The following PUS7 variants were observed in gnomAD, a reference collection of about 807,000 sequenced individuals.
PUS7 encodes the protein pseudouridylate synthase 7 homolog.
In PUS7, 48 loss-of-function variants were observed where a neutral mutation model predicts 79.8. That is an observed-to-expected ratio of 0.60 (90% CI 0.48 to 0.76). PUS7 has a LOEUF of 0.76. Among genes scored for constraint, PUS7 ranks in the 30% least tolerant of loss-of-function variants. The pLI, the probability that PUS7 is intolerant of heterozygous loss-of-function variation, is 0.00. For synonymous variants in PUS7, 286 were observed against 272.2 expected, an observed-to-expected ratio of 1.05 and a Z score of -0.50; for missense variants, 729 against 797.6, an observed-to-expected ratio of 0.91 and a Z score of 1.04.
chr7:105,505,167 A>AT lies in PUS7; in HGVS notation c.585+787dup, dbSNP rs199643238. 3.1e-3 allele frequency among the ~76,000 whole-genome samples: 471 copies of AT among 151,798 alleles called. 8 individuals are homozygous for AT. The highest frequency in any genetic ancestry group is 0.03 in the Admixed American group (461 of 15,198). On this transcript the variant is annotated intron_variant, in intron 4 of 15. Transcript: ENST00000469408. The stretch of plus-strand genomic sequence containing the variant: ...AGGCCTGCGCTACCACGCTTGGCTA[A>AT]TTTTTTTGTATTTTTAGTAGAGACG...
intron 1 of PUS7, among the ~76,000 whole-genome samples, chr7:105,518,727 C>A (rs1020607106): frequency 1.3e-5 from 2 of 152,038 alleles, no homozygotes; most frequent in Non-Finnish European, 2.9e-5. Context: ...AAATAAACAT[C>A]AGAAAAACAG....
At chr7:105,473,138 C>T (rs76800998) in intron 9 of PUS7, among the ~76,000 whole-genome samples, 3,619 of 152,200 alleles carry the variant, frequency 0.024, 54 homozygotes, top group African/African-American at 0.033. Context: ...AAAGATTTAT[C>T]TATGTTAATA....
chr7:105,482,369 T>C lies in PUS7; in HGVS notation c.992A>G (p.Gln331Arg). ...CTCTCCCAATTTCAGTGGGTTTTTT[T>C]GATAGCTGAAATTCCCTAGCTTAAA... ...MNFKLGNFSY[Q>R]KNPLKLGELQ... The change falls in exon 8 of 16, where the codon CAA becomes CGA. Residue 331 changes from glutamine (Q) to arginine (R), a missense_variant. Physicochemically the swap from Gln to Arg is conservative, Grantham distance 43. Coordinates refer to ENST00000469408, the MANE Select transcript of PUS7 (RefSeq NM_019042.5). 1.2e-6 allele frequency: 2 copies of C among 1,612,830 alleles called. No individual in the cohort carries two copies. The highest frequency in any genetic ancestry group is 1.7e-6 in the Non-Finnish European group (2 of 1,178,992).
chr7:105,501,230 TAATA>T (rs1291417509), intron 5 of PUS7, among the ~76,000 whole-genome samples: 1 of 152,218 alleles, frequency 6.6e-6, no homozygotes, highest in Non-Finnish European at 1.5e-5. Flanking sequence ...GACAGAGCCC[TAATA>T]AATAAACAGT....
intron 1 of PUS7, among the ~76,000 whole-genome samples, chr7:105,517,166 C>CTTTTTTTTTTTTT (rs1289590315): frequency 2.7e-5 from 4 of 146,630 alleles, no homozygotes; most frequent in Admixed American, 7.0e-5. Flanking sequence ...CTTCACATTT[C>CTTTTTTTTTTTTT]TTTTTTTGGC....
intron 7 of PUS7, among the ~76,000 whole-genome samples, chr7:105,488,061 CT>C (rs1824627411): frequency 6.6e-6 from 1 of 152,068 alleles, no homozygotes; most frequent in South Asian, 2.1e-4. Context: ...GTGCTGTGTG[CT>C]TTCAGAGGGC....
intron 11 of PUS7, among the ~76,000 whole-genome samples, chr7:105,468,899 T>C (rs572905706): frequency 6.6e-6 from 1 of 152,096 alleles, no homozygotes; most frequent in Non-Finnish European, 1.5e-5. Flanking sequence ...CTTATTTATT[T>C]ACTTTTATGT....
At chr7:105,461,710 G>A (rs1316204647) in intron 14 of PUS7, among the ~76,000 whole-genome samples, 8 of 152,158 alleles carry the variant, frequency 5.3e-5, no homozygotes, top group African/African-American at 1.4e-4. Context: ...TTTCATCACC[G>A]TGTAAACATC....
At chr7:105,489,400 C>T (rs901333040) in intron 7 of PUS7, among the ~76,000 whole-genome samples, 7 of 152,016 alleles carry the variant, frequency 4.6e-5, no homozygotes, top group Non-Finnish European at 8.8e-5. Flanking sequence ...GTCCCTGGTC[C>T]ATTACCCACA....
intron 7 of PUS7, among the ~76,000 whole-genome samples, chr7:105,486,809 C>T (rs1426013805): frequency 6.6e-6 from 1 of 151,898 alleles, no homozygotes; most frequent in Non-Finnish European, 1.5e-5. Flanking sequence ...CCTGTAATCC[C>T]AGCACTTTGG....
chr7:105,460,249 T>A (rs1370208180), intron 14 of PUS7, among the ~76,000 whole-genome samples: 2 of 152,162 alleles, frequency 1.3e-5, no homozygotes, highest in African/African-American at 4.8e-5. Flanking sequence ...ACAATTCTTT[T>A]TAAATGAAGT....
rs779676454 is a variant in PUS7, at chr7:105,482,302, A to G, written c.1049+10T>C. The G allele has an allele frequency of 1.9e-6, 3 of 1,612,612 alleles. No individual in the cohort carries two copies. The highest frequency in any genetic ancestry group is 2.5e-6 in the Non-Finnish European group (3 of 1,179,102). ...CCCTCTGGTCTACATTCCCACCTGC[A>G]GTTCTTTACCTGAGAACAACAGTGA... On this transcript the variant is annotated intron_variant, in intron 8 of 15. Transcript: ENST00000469408.
intron 14 of PUS7, among the ~76,000 whole-genome samples, chr7:105,460,161 A>C (rs1221695522): frequency 6.6e-6 from 1 of 151,934 alleles, no homozygotes; most frequent in Non-Finnish European, 1.5e-5. Flanking sequence ...GATGGTCTCG[A>C]TCTCCTGAGC....
chr7:105,507,897 T>C (rs567626220), intron 2 of PUS7, among the ~76,000 whole-genome samples: 57 of 152,088 alleles, frequency 3.7e-4, no homozygotes, highest in Non-Finnish European at 6.8e-4. Context: ...GGTGACAGAG[T>C]GAGACCCTCT....
intron 5 of PUS7, among the ~76,000 whole-genome samples, chr7:105,501,094 C>T (rs1163042796): frequency 6.6e-6 from 1 of 152,168 alleles, no homozygotes; most frequent in Non-Finnish European, 1.5e-5. Flanking sequence ...TTTCCTCAGG[C>T]ACAGCGAAGC....
At chr7:105,471,655 G>A (rs1002537254) in intron 10 of PUS7, among the ~76,000 whole-genome samples, 1 of 152,164 alleles carries the variant, frequency 6.6e-6, no homozygotes, top group Non-Finnish European at 1.5e-5. Flanking sequence ...GCTCATGCCT[G>A]TAATCCCAGC....
In PUS7 at chr7:105,488,411, G is replaced by A. The variant is rs78081952; in HGVS notation, c.920+3129C>T. Among the ~76,000 whole-genome samples, 1,432 of 151,910 alleles carry A rather than the reference G, an allele frequency of 9.4e-3. 15 individuals carry two copies. Among genetic ancestry groups the A allele is most frequent in the African/African-American group, 0.033 (1,381 of 41,390 alleles). On this transcript the variant is annotated intron_variant, in intron 7 of 15. Coordinates refer to ENST00000469408, the MANE Select transcript of PUS7 (RefSeq NM_019042.5). The stretch of plus-strand genomic sequence containing the variant: ...ATTAGGCTTTGCTATTAAAAAAAAA[G>A]AGAGAGAGAATTTCTCTGTGTTTTG...
intron 14 of PUS7, among the ~76,000 whole-genome samples, chr7:105,461,244 CAG>C (rs2133034873): frequency 6.6e-6 from 1 of 152,316 alleles, no homozygotes; most frequent in African/African-American, 2.4e-5. Flanking sequence ...GTAATTTGCT[CAG>C]AGATAGCTCT....
At position 105,472,205 on chromosome 7, in the gene PUS7, C is replaced by T. The variant is rs781144338; in HGVS notation, c.1176-12G>A. 12 of 1,507,124 alleles carry T rather than the reference C, an allele frequency of 8.0e-6. No individual in the cohort carries two copies. The South Asian group carries it at 1.4e-4, about 17-fold the overall frequency. 93.4% of individuals were successfully genotyped at this position (1,507,124 alleles called of 1,614,324 possible). On this transcript the variant is annotated splice_polypyrimidine_tract_variant and intron_variant, in intron 9 of 15. Coordinates refer to ENST00000469408, the MANE Select transcript of PUS7 (RefSeq NM_019042.5). Reference sequence around the variant, plus strand: ...TTTGTAGTATAGCTCTAAAATTAAACAACATTTATTTTACTAAATTTTGCA... The same window carrying T: ...TTTGTAGTATAGCTCTAAAATTAAATAACATTTATTTTACTAAATTTTGCA...
Sources: gnomAD v4.1 joint callset for allele counts (sites outside exome capture counted in the v4.1 genomes callset) on GRCh38, gnomAD v4.1.1 for gene constraint, MANE v1.5 for transcripts, NCBI Gene and HGNC (gene_info 2026-07-23, HGNC 2026-07-21) for gene names.